The following SNTB2 variants were observed in gnomAD, a reference collection of about 807,000 sequenced individuals.
The protein encoded by SNTB2 is syntrophin beta 2, also known as beta-2-syntrophin.
A neutral mutation model predicts 46.2 loss-of-function variants in SNTB2; 34 were observed. The ratio of observed to expected loss-of-function variants is 0.74; its 90% confidence interval spans 0.56 to 0.98. The LOEUF (loss-of-function observed/expected upper bound fraction) is 0.98. Ranked by LOEUF, SNTB2 falls within the 50% of genes least tolerant of loss-of-function variation. The probability of loss-of-function intolerance (pLI) is 0.00; values close to 1 mark genes in which losing one functional copy is unlikely to be tolerated. For missense variants in SNTB2, 603 were observed against 731.4 expected (o/e 0.82, Z 2.02); for synonymous variants, 290 against 312.6 (o/e 0.93, Z 0.76).
At chr16:69,299,159 T>C (rs1278488933) in intron 5 of SNTB2, among the ~76,000 whole-genome samples, 2 of 151,932 alleles carry the variant, frequency 1.3e-5, no homozygotes, top group Non-Finnish European at 1.5e-5. Context: ...TTTTTTTTTT[T>C]TTTGAGACAG....
chr16:69,251,262 G>A (rs1964722903), intron 2 of SNTB2, among the ~76,000 whole-genome samples: 1 of 151,584 alleles, frequency 6.6e-6, no homozygotes, highest in Admixed American at 6.6e-5. Context: ...ACAGGCGTGA[G>A]CCACTGCACC....
chr16:69,188,382 T>C (rs1389150356), intron 1 of SNTB2, among the ~76,000 whole-genome samples: 1 of 152,188 alleles, frequency 6.6e-6, no homozygotes, highest in East Asian at 1.9e-4. Flanking sequence ...TTTGCCCCTT[T>C]TGCAAGTCTG....
rs1357491479 is a variant in SNTB2, at chr16:69,304,260, T to G, written c.*3336T>G. Reference sequence around the variant, plus strand: ...GAAGAAATACTTAAATATAAGTTCCTGCAGTATTTATTAGATAGTTGTAAC... The same window carrying G: ...GAAGAAATACTTAAATATAAGTTCCGGCAGTATTTATTAGATAGTTGTAAC... On this transcript the variant is annotated 3_prime_UTR_variant, in exon 7 of 7. Coordinates refer to ENST00000336278, the MANE Select transcript of SNTB2 (RefSeq NM_006750.4). 1 of 152,620 alleles carries G rather than the reference T, an allele frequency of 6.6e-6. No homozygotes were observed. Among genetic ancestry groups the G allele is most frequent in the Non-Finnish European group, 1.5e-5 (1 of 68,030 alleles). The allele number at this position is 152,620 out of a possible 1,614,324, so 9.5% of individuals were successfully genotyped here.
At chr16:69,246,974 A>G (rs1203809338) in intron 2 of SNTB2, among the ~76,000 whole-genome samples, 1 of 150,712 alleles carries the variant, frequency 6.6e-6, no homozygotes, top group Admixed American at 6.6e-5. Context: ...GGTGCAGCGC[A>G]CCAGCATGGC....
In SNTB2 at chr16:69,187,239, G is replaced by A; in HGVS notation, c.73G>A (p.Ala25Thr). 1.4e-6 allele frequency: 2 copies of A among 1,467,718 alleles called. No individual in the cohort carries two copies. The highest frequency in any genetic ancestry group is 1.3e-5 in the South Asian group (1 of 75,144). The allele number at this position is 1,467,718 out of a possible 1,614,324, so 90.9% of individuals were successfully genotyped here. ...GGCGGTGTGGACGCGGGCCACCAAA[G>A]CGGGGCTGGTGGAGCTGCTCCTGAG... is the stretch of plus-strand genomic sequence containing the variant. ...AMAVWTRATK[A>T]GLVELLLRER... is the part of the protein sequence containing the mutation. The change falls in exon 1 of 7, where the codon GCG becomes ACG. Residue 25 changes from alanine (A) to threonine (T), a missense_variant. Ala to Thr is a moderately conservative substitution (Grantham distance 58, BLOSUM62 0). Coordinates refer to ENST00000336278, the MANE Select transcript of SNTB2 (RefSeq NM_006750.4).
chr16:69,209,942 A>G (rs1017912694), intron 1 of SNTB2, among the ~76,000 whole-genome samples: 7 of 152,042 alleles, frequency 4.6e-5, no homozygotes, highest in Non-Finnish European at 8.8e-5. Flanking sequence ...ACATGGCACA[A>G]TCTTAGAGAT....
chr16:69,246,229 C>T (rs1163416630), intron 2 of SNTB2, among the ~76,000 whole-genome samples: 2 of 152,126 alleles, frequency 1.3e-5, no homozygotes, highest in African/African-American at 4.8e-5. Flanking sequence ...TTTTGAAATA[C>T]ATCCCATCAA....
chr16:69,252,721 T>G (rs370682856), intron 2 of SNTB2, among the ~76,000 whole-genome samples: 4 of 152,208 alleles, frequency 2.6e-5, no homozygotes, highest in Admixed American at 2.6e-4. Flanking sequence ...TAATTGCATT[T>G]CTCAGAAAAT....
intron 2 of SNTB2, 113 bp downstream of exon 2, chr16:69,245,928 G>A (rs192119853): frequency 1.9e-6 from 2 of 1,063,406 alleles, no homozygotes; most frequent in Admixed American, 2.2e-5. Context: ...ATCTGTCTGA[G>A]GTGAGAGATG....
chr16:69,195,593 T>C (rs1280015206), intron 1 of SNTB2, among the ~76,000 whole-genome samples: 1 of 152,092 alleles, frequency 6.6e-6, no homozygotes, highest in African/African-American at 2.4e-5. Flanking sequence ...GCTCAAATTA[T>C]CTTGGCTGCA....
chr16:69,218,183 A>G (rs1028219377), intron 1 of SNTB2, among the ~76,000 whole-genome samples: 1 of 152,208 alleles, frequency 6.6e-6, no homozygotes, highest in African/African-American at 2.4e-5. Context: ...GCATAAAGAT[A>G]AATATAATCA....
intron 1 of SNTB2, among the ~76,000 whole-genome samples, chr16:69,238,038 T>C (rs1317239751): frequency 1.3e-5 from 2 of 152,178 alleles, no homozygotes; most frequent in African/African-American, 4.8e-5. Context: ...AAGTCTTCCA[T>C]TGGCTCTTCT....
intron 1 of SNTB2, among the ~76,000 whole-genome samples, chr16:69,189,235 T>A (rs888243661): frequency 1.3e-5 from 2 of 152,220 alleles, no homozygotes; most frequent in Non-Finnish European, 2.9e-5. Flanking sequence ...GGGCTAGACA[T>A]TGCTCGGAAA....
chr16:69,271,063 G>A (rs1964932973), intron 4 of SNTB2, among the ~76,000 whole-genome samples: 1 of 152,152 alleles, frequency 6.6e-6, no homozygotes, highest in South Asian at 2.1e-4. Context: ...CCTGCTTTGA[G>A]GAGACAAAGA....
chr16:69,295,196 G>GT (rs1489673201), intron 5 of SNTB2, among the ~76,000 whole-genome samples: 4 of 143,312 alleles, frequency 2.8e-5, no homozygotes, highest in Non-Finnish European at 6.1e-5. Flanking sequence ...TCTATTTCTG[G>GT]TAACAACCCT....
Position 69,187,631 on chromosome 16 carries a change from G to T in SNTB2, c.465G>T (p.Arg155=), listed in dbSNP as rs1291398099. 7 of 1,555,536 alleles carry T rather than the reference G, an allele frequency of 4.5e-6. No individual in the cohort carries two copies. The East Asian group carries it at 1.8e-4, about 40-fold the overall frequency. ...IFPGLAADQS[R]ALRLGDAILS... is the part of the protein sequence containing the mutation. The stretch of plus-strand genomic sequence containing the variant: ...CCGGGCTGGCTGCCGACCAGAGCCG[G>T]GCGCTGCGGCTGGGCGACGCCATCC... Residue 155 remains arginine (R), a synonymous_variant, in exon 1 of 7, where the codon CGG becomes CGT. Coordinates refer to ENST00000336278, the MANE Select transcript of SNTB2 (RefSeq NM_006750.4).
At chr16:69,213,458 T>A (rs867231745) in intron 1 of SNTB2, among the ~76,000 whole-genome samples, 99 of 152,198 alleles carry the variant, frequency 6.5e-4, no homozygotes, top group Non-Finnish European at 1.1e-3. Flanking sequence ...TTTGAAAAAA[T>A]TTTTCATTCT....
At chr16:69,250,593 A>G (rs968297645) in intron 2 of SNTB2, among the ~76,000 whole-genome samples, 3 of 152,182 alleles carry the variant, frequency 2.0e-5, no homozygotes, top group East Asian at 3.8e-4. Context: ...TTAGAATGAG[A>G]ATAAATAATA....
At chr16:69,279,448 G>T (rs1166335573) in intron 4 of SNTB2, among the ~76,000 whole-genome samples, 1 of 151,058 alleles carries the variant, frequency 6.6e-6, no homozygotes, top group African/African-American at 2.4e-5. Flanking sequence ...GAACATAGGT[G>T]GGCAAATATG....
Sources: allele counts gnomAD v4.1 joint callset (sites outside exome capture counted in the v4.1 genomes callset), GRCh38; gene constraint gnomAD v4.1.1; transcripts MANE v1.5; gene names NCBI Gene and HGNC (gene_info 2026-07-23, HGNC 2026-07-21).